The following AGAP1 variants were observed in gnomAD, a reference collection of about 807,000 sequenced individuals.
AGAP1 encodes ArfGAP with GTPase domain, ankyrin repeat and PH domain 1.
In AGAP1, 29 loss-of-function variants were observed where a neutral mutation model predicts 105.3. The ratio of observed to expected loss-of-function variants is 0.28; its 90% CI spans 0.21 to 0.38. The LOEUF (loss-of-function observed/expected upper bound fraction) is 0.38. Among genes scored for constraint, AGAP1 ranks in the 10% least tolerant of loss-of-function variants. AGAP1 has a pLI of 1.00. For synonymous variants in AGAP1, 509 were observed against 485.9 expected (o/e 1.05, Z -0.63); for missense variants, 998 against 1,165.1 (o/e 0.86, Z 2.09).
Position 236,014,704 on chromosome 2 carries a change from G to T in AGAP1, c.1646-21857G>T, listed in dbSNP as rs1362743605. On this transcript the variant is annotated intron_variant, in intron 13 of 17. Coordinates refer to ENST00000304032, the MANE Select transcript of AGAP1 (RefSeq NM_001037131.3). The surrounding 1 kb of genome is among the most constrained non-coding windows in gnomAD (Gnocchi z 6.3). ...GCAGACAGCTCGGAGGCAACGTCAC[G>T]TGCTACTTTGACCTTTTTTTTTCTC... is the stretch of plus-strand genomic sequence containing the variant. 1 of 363,106 alleles carries T rather than the reference G, an allele frequency of 2.8e-6. No individual in the cohort carries two copies. The highest frequency in any genetic ancestry group is 2.1e-5 in the South Asian group (1 of 46,836). The allele number at this position is 363,106 out of a possible 1,614,324, so 22.5% of individuals were successfully genotyped here. A position where few individuals can be genotyped will look rare whatever the true frequency, so the allele number is the denominator to read the frequency against.
chr2:235,546,088 A>G (rs974530328), intron 1 of AGAP1, among the ~76,000 whole-genome samples: 3 of 152,246 alleles, frequency 2.0e-5, no homozygotes, highest in African/African-American at 7.2e-5. Flanking sequence ...GAACTGGAAC[A>G]GTCTGTCTGT....
chr2:235,565,277 T>G (rs1559252497), intron 1 of AGAP1, among the ~76,000 whole-genome samples: 1 of 152,234 alleles, frequency 6.6e-6, no homozygotes, highest in Non-Finnish European at 1.5e-5. Context: ...GGGCCAGGTA[T>G]GAGCCAGGAG....
chr2:235,816,873 T>C (rs1056070452), intron 9 of AGAP1, among the ~76,000 whole-genome samples: 1 of 146,830 alleles, frequency 6.8e-6, no homozygotes, highest in African/African-American at 2.5e-5. Flanking sequence ...TTTTGATCTC[T>C]GTCTCAAAAA....
rs2124936161 is a variant in AGAP1 at position 235,893,923 on chromosome 2, C to CAA, written c.1155+10475_1155+10476insAA. On this transcript the variant is annotated intron_variant, in intron 10 of 17. Transcript: ENST00000304032. This position sits in a 1 kb window ranked among gnomAD's most constrained non-coding sequence, Gnocchi z 4.7. ...TGGTATGATTGAGACTAACAGTACT[C>CAA]ACCATGTCTTACAACATGACCTCCC... 6.6e-6 allele frequency among the ~76,000 whole-genome samples: 1 copy of CAA among 152,304 alleles called. No individual in the cohort carries two copies. The highest frequency in any genetic ancestry group is 2.4e-5 in the African/African-American group (1 of 41,566).
rs2059897461 is a variant in AGAP1 at position 236,121,486 on chromosome 2, AGACGGG to A, written c.2370+1041_2370+1046del. ...CAGCTAATTTTTGTATTTTTAGTAG[AGACGGG>A]GCTTCACCATGTTGGTCAGTCTGGT... On this transcript the variant is annotated intron_variant, in intron 17 of 17. Coordinates refer to ENST00000304032, the MANE Select transcript of AGAP1 (RefSeq NM_001037131.3). This position sits in a 1 kb window ranked among gnomAD's most constrained non-coding sequence, Gnocchi z 4.9. Among the ~76,000 whole-genome samples, 2 of 151,684 alleles carry A rather than the reference AGACGGG, an allele frequency of 1.3e-5. No homozygotes were observed. The highest frequency in any genetic ancestry group is 2.9e-5 in the Non-Finnish European group (2 of 67,920).
intron 8 of AGAP1, among the ~76,000 whole-genome samples, chr2:235,802,572 G>T (rs1436749628): frequency 6.6e-6 from 1 of 152,232 alleles, no homozygotes; most frequent in Non-Finnish European, 1.5e-5. Flanking sequence ...GACAGTGAAA[G>T]TTCTGGGCAG....
rs147286191 is a variant in AGAP1, at chr2:235,590,665, A to ATGTGTGTG, written c.163+95829_163+95836dup. On this transcript the variant is annotated intron_variant, in intron 1 of 17. Coordinates refer to ENST00000304032, the MANE Select transcript of AGAP1 (RefSeq NM_001037131.3). ...GTTTTTTTTGTTTTGTTTTGTTTTA[A>ATGTGTGTG]TGTGTGTGTGTGTGTGTGTGCGTGT... 6.3e-3 allele frequency among the ~76,000 whole-genome samples: 803 copies of ATGTGTGTG among 127,442 alleles called. 4 individuals carry two copies. The highest frequency in any genetic ancestry group is 0.015 in the South Asian group (61 of 3,962). The allele number at this position is 127,442 out of a possible 152,430, so 83.6% of individuals were successfully genotyped here. A position where few individuals can be genotyped will look rare whatever the true frequency, so the allele number is the denominator to read the frequency against.
intron 1 of AGAP1, among the ~76,000 whole-genome samples, chr2:235,677,951 A>G: frequency 9.5e-6 from 1 of 104,802 alleles, no homozygotes. Context: ...AAAAAAAAAA[A>G]AAAAAAGCAA....
chr2:235,576,349 A>G (rs1158253472), intron 1 of AGAP1, among the ~76,000 whole-genome samples: 3 of 152,146 alleles, frequency 2.0e-5, no homozygotes, highest in Admixed American at 2.0e-4. Flanking sequence ...CTAGAAGCTA[A>G]TGCATTGATT....
chr2:235,997,480 G>C (rs1407463634), intron 13 of AGAP1, among the ~76,000 whole-genome samples: 1 of 152,186 alleles, frequency 6.6e-6, no homozygotes, highest in Admixed American at 6.5e-5. Flanking sequence ...ACTACCTTAA[G>C]GTTAGTGTTT....
chr2:235,771,285 A>C (rs1405773253), intron 6 of AGAP1, among the ~76,000 whole-genome samples: 1 of 152,242 alleles, frequency 6.6e-6, no homozygotes, highest in African/African-American at 2.4e-5. Flanking sequence ...GGCCGCCTCC[A>C]GAGGGCTTCT....
intron 13 of AGAP1, among the ~76,000 whole-genome samples, chr2:236,029,440 CAT>C (rs2057157961): frequency 1.0e-5 from 1 of 96,826 alleles, no homozygotes. Flanking sequence ...CACACCCAGC[CAT>C]TTTTTTTTTT....
chr2:235,901,282 T>C lies in AGAP1; in HGVS notation c.1156-7456T>C, dbSNP rs1010894487. The stretch of plus-strand genomic sequence containing the variant: ...CTTTACAATGGCTTCTCTTACATAC[T>C]TTTTTTTTTTTGAGCCCAGAAGTGA... On this transcript the variant is annotated intron_variant, in intron 10 of 17. Transcript: ENST00000304032. The surrounding 1 kb of genome is among the most constrained non-coding windows in gnomAD (Gnocchi z 4.3). Among the ~76,000 whole-genome samples, 11 of 144,846 alleles carry C rather than the reference T, an allele frequency of 7.6e-5. No individual in the cohort carries two copies. The highest frequency in any genetic ancestry group is 1.5e-4 in the Non-Finnish European group (10 of 65,910).
chr2:236,007,774 C>T (rs563388372), intron 13 of AGAP1, among the ~76,000 whole-genome samples: 1 of 152,310 alleles, frequency 6.6e-6, no homozygotes, highest in South Asian at 2.1e-4. Flanking sequence ...TAAGGTGGCC[C>T]CTGCTCACCA....
At chr2:235,702,934 G>GTTTTTTTTTGTTTTTTTTTTTTTTT (rs1950327199) in intron 1 of AGAP1, among the ~76,000 whole-genome samples, 2 of 88,944 alleles carry the variant, frequency 2.2e-5, no homozygotes, top group East Asian at 5.8e-4. Flanking sequence ...AGTTTTCTTG[G>GTTTTTTTTTGTTTTTTTTTTTTTTT]TTTTTTTTTT....
At chr2:235,852,881 C>A in intron 9 of AGAP1, 1 of 1,352,724 alleles carries the variant, frequency 7.4e-7, no homozygotes, top group African/African-American at 1.4e-5. Context: ...GAGGTGAACT[C>A]CAGATCGGCC....
rs1264441204 is a variant in AGAP1, at chr2:236,076,076, T to C, written c.2114+26795T>C. 3.9e-5 allele frequency among the ~76,000 whole-genome samples: 6 copies of C among 152,160 alleles called. No individual in the cohort carries two copies. The highest frequency in any genetic ancestry group is 5.9e-5 in the Non-Finnish European group (4 of 68,016). ...CCCAAGACCCGTGCTGTCATAACAG[T>C]CCTCCTTCAGAGACACCCCTCAATC... On this transcript the variant is annotated intron_variant, in intron 16 of 17. Coordinates refer to ENST00000304032, the MANE Select transcript of AGAP1 (RefSeq NM_001037131.3). This position sits in a 1 kb window ranked among gnomAD's most constrained non-coding sequence, Gnocchi z 4.4.
chr2:235,617,617 G>A (rs554957128), intron 1 of AGAP1, among the ~76,000 whole-genome samples: 16 of 152,202 alleles, frequency 1.1e-4, no homozygotes, highest in African/African-American at 3.4e-4. Flanking sequence ...CAGGAGAATC[G>A]CTTGAACCTG....
At chr2:235,564,269 C>G (rs1226813870) in intron 1 of AGAP1, among the ~76,000 whole-genome samples, 2 of 152,256 alleles carry the variant, frequency 1.3e-5, no homozygotes, top group Admixed American at 1.3e-4. Flanking sequence ...AAATGACAGC[C>G]TTGAGCCTTG....
Sources: gnomAD v4.1 joint callset for allele counts (sites outside exome capture counted in the v4.1 genomes callset) on GRCh38, gnomAD v4.1.1 for gene constraint, Gnocchi (gnomAD v3.1) non-coding constraint, MANE v1.5 for transcripts, NCBI Gene and HGNC (gene_info 2026-07-23, HGNC 2026-07-21) for gene names.